The following C1orf185 variants were observed in gnomAD, a reference collection of about 807,000 sequenced individuals.
C1orf185 encodes chromosome 1 open reading frame 185, also known as uncharacterized protein C1orf185.
A neutral mutation model predicts 16.1 loss-of-function variants in C1orf185; 13 were observed. The ratio of observed to expected loss-of-function variants is 0.81; its 90% CI spans 0.53 to 1.28. The LOEUF is 1.28. Ranked by LOEUF, C1orf185 falls within the 50% of genes most tolerant of loss-of-function variation. The probability of loss-of-function intolerance (pLI) is 0.00; values close to 1 mark genes in which losing one functional copy is unlikely to be tolerated. For synonymous variants in C1orf185, 80 were observed against 76.9 expected (o/e 1.04, Z -0.21); for missense variants, 220 against 225.2 (o/e 0.98, Z 0.15).
At chr1:51,105,162 T>C (rs1395845458) in intron 1 of C1orf185, among the ~76,000 whole-genome samples, 1 of 152,098 alleles carries the variant, frequency 6.6e-6, no homozygotes, top group East Asian at 1.9e-4. Flanking sequence ...AGATGGGGTT[T>C]CACCATGTTG....
At chr1:51,137,068 A>G (rs1004473411) in intron 3 of C1orf185, among the ~76,000 whole-genome samples, 6 of 152,208 alleles carry the variant, frequency 3.9e-5, no homozygotes, top group Non-Finnish European at 8.8e-5. Context: ...CAAGAAAAAA[A>G]CAAGCAGCCC....
chr1:51,112,338 T>C, intron 1 of C1orf185, 126 bp from the exon 2 acceptor site: 1 of 700,816 alleles, frequency 1.4e-6, no homozygotes. Flanking sequence ...AGAATTCCCA[T>C]CTCCCAATCT....
chr1:51,138,595 T>C (rs1416720986), intron 3 of C1orf185, among the ~76,000 whole-genome samples: 1 of 152,086 alleles, frequency 6.6e-6, no homozygotes, highest in Non-Finnish European at 1.5e-5. Flanking sequence ...GCTTTCACCG[T>C]GTTAACTAGG....
intron 3 of C1orf185, among the ~76,000 whole-genome samples, chr1:51,123,713 T>C (rs1418906172): frequency 6.6e-6 from 1 of 152,184 alleles, no homozygotes; most frequent in Non-Finnish European, 1.5e-5. Context: ...TTCTAACAAA[T>C]GTGTAGTGGT....
intron 4 of C1orf185, among the ~76,000 whole-genome samples, chr1:51,146,297 A>G (rs1409751630): frequency 1.3e-5 from 2 of 152,010 alleles, no homozygotes; most frequent in Non-Finnish European, 2.9e-5. Flanking sequence ...TGTCTCTACT[A>G]AAAATATAAA....
chr1:51,143,234 T>C (rs1241642477), intron 3 of C1orf185, among the ~76,000 whole-genome samples: 1 of 152,350 alleles, frequency 6.6e-6, no homozygotes, highest in East Asian at 1.9e-4. Flanking sequence ...TATCAGACTT[T>C]ACTCTCTAGC....
intron 4 of C1orf185, among the ~76,000 whole-genome samples, chr1:51,146,637 G>T (rs1246888124): frequency 1.3e-5 from 2 of 152,018 alleles, no homozygotes; most frequent in African/African-American, 4.8e-5. Context: ...AATGGGAAAA[G>T]CATGAGACAA....
chr1:51,115,009 G>A (rs1646147605), intron 2 of C1orf185, among the ~76,000 whole-genome samples: 1 of 152,110 alleles, frequency 6.6e-6, no homozygotes, highest in Non-Finnish European at 1.5e-5. Context: ...GCCTGTTCTT[G>A]TATCATAATG....
intron 3 of C1orf185, among the ~76,000 whole-genome samples, chr1:51,124,825 A>G (rs921478228): frequency 1.3e-5 from 2 of 152,102 alleles, no homozygotes; most frequent in African/African-American, 4.8e-5. Context: ...GCTGGTTCCT[A>G]TGGGTTTCTT....
chr1:51,151,878 A>G (rs1646430783), downstream of C1orf185, among the ~76,000 whole-genome samples: 3 of 151,872 alleles, frequency 2.0e-5, no homozygotes, highest in Admixed American at 2.0e-4. Flanking sequence ...TTTAGTAGAG[A>G]CGGGGTTTCA....
Position 51,148,031 on chromosome 1 carries a change from A to G in C1orf185, c.*260A>G. On this transcript the variant is annotated 3_prime_UTR_variant, in exon 5 of 5. Transcript: ENST00000371759. The stretch of plus-strand genomic sequence containing the variant: ...GAGTGATGTCATGAACATTAAGCTT[A>G]ACTTATTGTATCTCATCCAAAGACA... 1 of 321,354 alleles carries G rather than the reference A, an allele frequency of 3.1e-6. No homozygotes were observed. 19.9% of individuals were successfully genotyped at this position (321,354 alleles called of 1,614,324 possible).
chr1:51,141,489 T>C (rs1646364072), intron 3 of C1orf185, among the ~76,000 whole-genome samples: 2 of 152,002 alleles, frequency 1.3e-5, no homozygotes, highest in Admixed American at 6.6e-5. Flanking sequence ...TGAAACCCCA[T>C]CTTAAAAAAA....
At chr1:51,136,174 A>G (rs1004658242) in intron 3 of C1orf185, among the ~76,000 whole-genome samples, 3 of 152,204 alleles carry the variant, frequency 2.0e-5, no homozygotes, top group African/African-American at 7.2e-5. Context: ...AAGCAAATGG[A>G]AAAACCTTCC....
intron 3 of C1orf185, among the ~76,000 whole-genome samples, chr1:51,125,323 C>T (rs1646232432): frequency 2.0e-5 from 3 of 152,160 alleles, no homozygotes; most frequent in Admixed American, 2.0e-4. Flanking sequence ...CTGGTATCCT[C>T]CTCTTAGGCT....
intron 2 of C1orf185, among the ~76,000 whole-genome samples, chr1:51,117,220 T>C (rs897875301): frequency 3.9e-5 from 6 of 152,198 alleles, no homozygotes; most frequent in African/African-American, 1.4e-4. Flanking sequence ...AATAAGTGAA[T>C]CCTAATTGTT....
intron 3 of C1orf185, among the ~76,000 whole-genome samples, chr1:51,145,406 C>T (rs184615292): frequency 6.6e-6 from 1 of 152,190 alleles, no homozygotes; most frequent in East Asian, 1.9e-4. Context: ...TTAAACAAGT[C>T]TAGGAATTCT....
intron 1 of C1orf185, 116 bp downstream of exon 1, chr1:51,102,365 G>T (rs1166924272): frequency 6.4e-6 from 4 of 624,896 alleles, no homozygotes. Context: ...TATAAGATAA[G>T]AAATACTTGA....
intron 3 of C1orf185, among the ~76,000 whole-genome samples, chr1:51,141,356 A>C (rs975471105): frequency 1.3e-5 from 2 of 152,134 alleles, no homozygotes; most frequent in Non-Finnish European, 2.9e-5. Flanking sequence ...CTGAGTGTGG[A>C]GGCACATGCC....
rs1318100107 is a variant in C1orf185 at position 51,137,346 on chromosome 1, A to G, written c.259-8378A>G. ...TCAGGAGTTAGAGACCAGTCTGGCC[A>G]ACATGACAAAACCCCATCTCCACTA... On this transcript the variant is annotated intron_variant, in intron 3 of 4. Coordinates refer to ENST00000371759, the MANE Select transcript of C1orf185 (RefSeq NM_001136508.2). Among the ~76,000 whole-genome samples the G allele has an allele frequency of 2.6e-5, 4 of 151,932 alleles. No homozygotes were observed. In the East Asian group the frequency reaches 7.7e-4, roughly 29 times the overall value.
Sources: allele counts gnomAD v4.1 joint callset (sites outside exome capture counted in the v4.1 genomes callset), GRCh38; gene constraint gnomAD v4.1.1; transcripts MANE v1.5; gene names NCBI Gene and HGNC (gene_info 2026-07-23, HGNC 2026-07-21).